The following RIMS1 variants were observed in gnomAD, a reference collection of about 807,000 sequenced individuals.
The protein encoded by RIMS1 is regulating synaptic membrane exocytosis protein 1.
A neutral mutation model predicts 214.1 loss-of-function variants in RIMS1; 83 were observed. The observed-to-expected ratio is 0.39, with a 90% CI of 0.32 to 0.47. RIMS1 has a LOEUF of 0.47. RIMS1 is among the 20% of genes least tolerant of loss of function. RIMS1 has a pLI of 0.99. For synonymous variants in RIMS1, 793 were observed against 786.8 expected (o/e 1.01, Z -0.13); for missense variants, 2,050 against 2,161.8 (o/e 0.95, Z 1.03).
intron 2 of RIMS1, among the ~76,000 whole-genome samples, chr6:72,066,202 A>C (rs1829259607): frequency 6.6e-6 from 1 of 152,210 alleles, no homozygotes; most frequent in Non-Finnish European, 1.5e-5. Context: ...AGATTTCAAT[A>C]TTCCCTTCAA....
intron 2 of RIMS1, among the ~76,000 whole-genome samples, chr6:72,049,202 C>T (rs1355464018): frequency 6.6e-6 from 1 of 151,938 alleles, no homozygotes; most frequent in African/African-American, 2.4e-5. Context: ...AGCCTGGGCC[C>T]CATAAAGGAC....
intron 2 of RIMS1, among the ~76,000 whole-genome samples, chr6:72,000,750 A>G (rs1377075506): frequency 3.3e-5 from 5 of 152,074 alleles, no homozygotes; most frequent in African/African-American, 1.2e-4. Flanking sequence ...TTGTCATCAG[A>G]CTTCCTCAGC....
chr6:72,301,787 C>T (rs1285271637), intron 26 of RIMS1, among the ~76,000 whole-genome samples: 4 of 151,322 alleles, frequency 2.6e-5, no homozygotes, highest in Admixed American at 6.6e-5. Flanking sequence ...CTTGAGCATC[C>T]GTGAATTTTG....
At chr6:72,313,350 A>G (rs115052959) in intron 27 of RIMS1, among the ~76,000 whole-genome samples, 156 bp from the exon 28 acceptor site, 1 of 152,268 alleles carries the variant, frequency 6.6e-6, no homozygotes, top group African/African-American at 2.4e-5. Context: ...TATATTGGAA[A>G]TCATATGGTA....
intron 19 of RIMS1, chr6:72,263,704 A>G: frequency 1.0e-6 from 1 of 985,270 alleles, no homozygotes; most frequent in Non-Finnish European, 1.2e-6. Flanking sequence ...ATTTGTCCTC[A>G]ACTTGTACTT....
intron 2 of RIMS1, among the ~76,000 whole-genome samples, chr6:72,003,644 G>A (rs1292130341): frequency 1.3e-5 from 2 of 151,994 alleles, no homozygotes; most frequent in Admixed American, 1.3e-4. Context: ...GTGTCTGTGT[G>A]TGTGATAAGA....
intron 4 of RIMS1, among the ~76,000 whole-genome samples, chr6:72,166,758 T>TG (rs58579998): frequency 0.98 from 149,440 of 151,980 alleles, 73,517 homozygotes; most frequent in East Asian, 1. Context: ...TTCTGGTGTA[T>TG]GAAATAAAAT....
chr6:72,087,202 C>T (rs940249954), intron 2 of RIMS1, among the ~76,000 whole-genome samples: 6 of 152,134 alleles, frequency 3.9e-5, no homozygotes, highest in African/African-American at 1.4e-4. Context: ...ACATAGGATC[C>T]ATGAAGTTCA....
At chr6:72,318,721 T>A (rs545386477) in intron 28 of RIMS1, among the ~76,000 whole-genome samples, 29 of 152,320 alleles carry the variant, frequency 1.9e-4, no homozygotes, top group African/African-American at 6.3e-4. Flanking sequence ...CACACGTTTT[T>A]CCTTGTTGTT....
At chr6:71,899,616 T>C (rs1772970379) in intron 1 of RIMS1, among the ~76,000 whole-genome samples, 1 of 152,150 alleles carries the variant, frequency 6.6e-6, no homozygotes, top group Admixed American at 6.6e-5. Flanking sequence ...GTTAATTCTA[T>C]CTAATTTACC....
intron 23 of RIMS1, among the ~76,000 whole-genome samples, chr6:72,280,282 A>G (rs2089410924): frequency 1.3e-5 from 2 of 152,014 alleles, no homozygotes. Context: ...TAAGGTAGAA[A>G]GTAATTCATT....
chr6:71,948,109 CAA>C (rs1298744073), intron 1 of RIMS1, among the ~76,000 whole-genome samples: 1 of 151,962 alleles, frequency 6.6e-6, no homozygotes, highest in Non-Finnish European at 1.5e-5. Flanking sequence ...ATATTATTAG[CAA>C]AGAGTCACAG....
At position 71,886,940 on chromosome 6, in the gene RIMS1, G is replaced by A. The variant is rs989084506; in HGVS notation, c.-84G>A. 38 of 1,498,572 alleles carry A rather than the reference G, an allele frequency of 2.5e-5. No individual in the cohort carries two copies. The highest frequency in any genetic ancestry group is 3.4e-5 in the Non-Finnish European group (38 of 1,103,308). The allele number at this position is 1,498,572 out of a possible 1,614,324, so 92.8% of individuals were successfully genotyped here. A position where few individuals can be genotyped will look rare whatever the true frequency, so the allele number is the denominator to read the frequency against. ...GCCGCCGCTAGGGCTCCGCTGTGAG[G>A]GGGAAGCAGGGGCGCAGCTGCTGGG... is the stretch of plus-strand genomic sequence containing the variant. On this transcript the variant is annotated 5_prime_UTR_variant, in exon 1 of 34. Transcript: ENST00000521978.
chr6:71,986,702 G>A (rs1380337771), intron 2 of RIMS1, among the ~76,000 whole-genome samples: 1 of 152,228 alleles, frequency 6.6e-6, no homozygotes, highest in Non-Finnish European at 1.5e-5. Flanking sequence ...GATTCCATTT[G>A]GGATATTCTA....
chr6:72,309,213 C>T (rs185389561), intron 27 of RIMS1, among the ~76,000 whole-genome samples: 1 of 152,086 alleles, frequency 6.6e-6, no homozygotes, highest in East Asian at 1.9e-4. Flanking sequence ...TCCAAAAAAT[C>T]GACAAAATGA....
At chr6:72,102,520 C>T (rs926771503) in intron 4 of RIMS1, among the ~76,000 whole-genome samples, 2 of 151,846 alleles carry the variant, frequency 1.3e-5, no homozygotes, top group Admixed American at 6.6e-5. Context: ...ACTAGTTTTT[C>T]GTAACTGTCC....
intron 2 of RIMS1, among the ~76,000 whole-genome samples, chr6:72,053,943 T>C (rs978087322): frequency 1.3e-5 from 2 of 152,210 alleles, no homozygotes; most frequent in African/African-American, 2.4e-5. Flanking sequence ...AGTTCCAGGA[T>C]ACAAATGAAG....
intron 1 of RIMS1, among the ~76,000 whole-genome samples, chr6:71,921,744 TA>T (rs1047816199): frequency 2.0e-5 from 3 of 151,998 alleles, no homozygotes; most frequent in South Asian, 2.1e-4. Flanking sequence ...ACCATAAGTG[TA>T]AAAAAAAGTA....
At chr6:72,280,198 A>G (rs1001570186) in intron 23 of RIMS1, among the ~76,000 whole-genome samples, 1 of 151,992 alleles carries the variant, frequency 6.6e-6, no homozygotes, top group Non-Finnish European at 1.5e-5. Flanking sequence ...AGCAACTACC[A>G]TATGCTAGGT....
Sources: allele counts gnomAD v4.1 joint callset (sites outside exome capture counted in the v4.1 genomes callset), GRCh38; gene constraint gnomAD v4.1.1; transcripts MANE v1.5; gene names NCBI Gene and HGNC (gene_info 2026-07-23, HGNC 2026-07-21).